The following CBLB variants were observed in gnomAD, a reference collection of about 807,000 sequenced individuals.
CBLB encodes the protein E3 ubiquitin-protein ligase CBL-B.
In CBLB, 31 loss-of-function variants were observed where a neutral mutation model predicts 104.9. The observed-to-expected ratio is 0.30, with a 90% CI of 0.22 to 0.40. The LOEUF is 0.40. Among genes scored for constraint, CBLB ranks in the 10% least tolerant of loss-of-function variants. The pLI is 1.00. For synonymous variants in CBLB, 440 were observed against 422.6 expected (o/e 1.04, Z -0.51); for missense variants, 1,062 against 1,214.6 (o/e 0.87, Z 1.87).
rs780321590 is a variant in CBLB, at chr3:105,702,346, A to G, written c.1707T>C (p.Asn569=). 8.1e-6 allele frequency: 13 copies of G among 1,613,840 alleles called. No homozygotes were observed. The highest frequency in any genetic ancestry group is 1.1e-5 in the Non-Finnish European group (13 of 1,179,942). Reference sequence around the variant, plus strand: ...CATGATGGATGTGTCTACTCAGTCTATTGTCTGGTGGGATTGGTGGAGGTC... The same window carrying G: ...CATGATGGATGTGTCTACTCAGTCTGTTGTCTGGTGGGATTGGTGGAGGTC... ...PERPPPIPPD[N]RLSRHIHHVE... The change falls in exon 12 of 19, where the codon AAT becomes AAC. Residue 569 remains asparagine, a synonymous_variant. Transcript: ENST00000394030.
At chr3:105,669,763 T>C (rs1055085093) in intron 18 of CBLB, among the ~76,000 whole-genome samples, 3 of 152,272 alleles carry the variant, frequency 2.0e-5, no homozygotes, top group East Asian at 1.9e-4. Flanking sequence ...TTATTAACGG[T>C]TGTGAGTATG....
chr3:105,685,621 C>A (rs1248352336), intron 13 of CBLB, among the ~76,000 whole-genome samples, 155 bp from the exon 14 acceptor site: 1 of 152,088 alleles, frequency 6.6e-6, no homozygotes, highest in Non-Finnish European at 1.5e-5. Context: ...ATATCAAATA[C>A]AAATGAAAAC....
chr3:105,851,596 G>A (rs993921046), intron 3 of CBLB, among the ~76,000 whole-genome samples: 1 of 152,150 alleles, frequency 6.6e-6, no homozygotes, highest in African/African-American at 2.4e-5. Flanking sequence ...TGCAAGATGT[G>A]AACAGGAGAA....
intron 3 of CBLB, among the ~76,000 whole-genome samples, chr3:105,841,922 T>C (rs1156328313): frequency 2.6e-5 from 4 of 152,178 alleles, no homozygotes; most frequent in Non-Finnish European, 5.9e-5. Context: ...TTTTCATGTC[T>C]TGCAACCAGA....
intron 3 of CBLB, among the ~76,000 whole-genome samples, chr3:105,778,042 C>T (rs2079690867): frequency 6.6e-6 from 1 of 152,032 alleles, no homozygotes; most frequent in Non-Finnish European, 1.5e-5. Context: ...GTACATTCTG[C>T]ATATGTTTTC....
intron 18 of CBLB, among the ~76,000 whole-genome samples, chr3:105,662,204 T>C (rs909506501): frequency 1.3e-5 from 2 of 152,186 alleles, no homozygotes; most frequent in African/African-American, 4.8e-5. Context: ...GCCTTCACTT[T>C]CTCCACTTTT....
chr3:105,838,063 C>A (rs1423689162), intron 3 of CBLB, among the ~76,000 whole-genome samples: 2 of 143,914 alleles, frequency 1.4e-5, no homozygotes, highest in African/African-American at 5.1e-5. Flanking sequence ...TAGCCTATTA[C>A]CTTTTTTTTT....
chr3:105,698,233 G>A (rs1379812210), intron 12 of CBLB, among the ~76,000 whole-genome samples: 1 of 152,046 alleles, frequency 6.6e-6, no homozygotes, highest in Non-Finnish European at 1.5e-5. Flanking sequence ...CTTTAACTAT[G>A]AGCTAGAATA....
rs929734372 is a variant in CBLB, at chr3:105,851,991, T to C, written c.419+1423A>G. On this transcript the variant is annotated intron_variant, in intron 3 of 18. Transcript: ENST00000394030. Reference sequence around the variant, plus strand: ...CTGTGCCACCAGTCACATAAAAGCATAGCACATACAATTATGCATAACACA... The same window carrying C: ...CTGTGCCACCAGTCACATAAAAGCACAGCACATACAATTATGCATAACACA... Among the ~76,000 whole-genome samples, 4 of 152,334 alleles carry C rather than the reference T, an allele frequency of 2.6e-5. 1 individual carries two copies. The highest frequency in any genetic ancestry group is 1.3e-4 in the Admixed American group (2 of 15,300).
chr3:105,670,468 T>A (rs2064953751), intron 17 of CBLB, 116 bp from the exon 18 acceptor site: 1 of 865,596 alleles, frequency 1.2e-6, no homozygotes, highest in Non-Finnish European at 1.8e-6. Context: ...ATTAGAAAAT[T>A]AAATTCATGA....
At chr3:105,758,026 C>T (rs1553770053) in intron 4 of CBLB, among the ~76,000 whole-genome samples, 1 of 152,124 alleles carries the variant, frequency 6.6e-6, no homozygotes, top group Non-Finnish European at 1.5e-5. Flanking sequence ...ACATTATGGA[C>T]ACAAAATATT....
rs73857223 is a variant in CBLB at position 105,835,151 on chromosome 3, C to G, written c.419+18263G>C. Reference sequence around the variant, plus strand: ...GAGGATTCTTTTCATTGGTGAAAAGCGGCATGTAATGTTACAAAGAATAAC... The same window carrying G: ...GAGGATTCTTTTCATTGGTGAAAAGGGGCATGTAATGTTACAAAGAATAAC... On this transcript the variant is annotated intron_variant, in intron 3 of 18. Coordinates refer to ENST00000394030, the MANE Select transcript of CBLB (RefSeq NM_170662.5). Among the ~76,000 whole-genome samples, 983 of 152,186 alleles carry G rather than the reference C, an allele frequency of 6.5e-3. 12 individuals carry two copies. The highest frequency in any genetic ancestry group is 0.023 in the African/African-American group (942 of 41,524).
chr3:105,817,088 G>A (rs577769213), intron 3 of CBLB, among the ~76,000 whole-genome samples: 1 of 152,236 alleles, frequency 6.6e-6, no homozygotes, highest in East Asian at 1.9e-4. Context: ...ATGAAAATGA[G>A]AAGAAGACAA....
intron 3 of CBLB, among the ~76,000 whole-genome samples, chr3:105,798,164 C>A (rs1184065218): frequency 6.6e-6 from 1 of 152,220 alleles, no homozygotes; most frequent in East Asian, 1.9e-4. Flanking sequence ...AACAATTCTT[C>A]TTTAAAATTA....
intron 9 of CBLB, among the ~76,000 whole-genome samples, 185 bp from the exon 10 acceptor site, chr3:105,720,435 A>C (rs1260104839): frequency 6.6e-6 from 1 of 152,160 alleles, no homozygotes; most frequent in East Asian, 1.9e-4. Flanking sequence ...TGTATAATAA[A>C]TGGTCAGTAT....
At chr3:105,798,822 T>A (rs554907483) in intron 3 of CBLB, among the ~76,000 whole-genome samples, 1 of 152,306 alleles carries the variant, frequency 6.6e-6, no homozygotes, top group East Asian at 1.9e-4. Flanking sequence ...AGCTGCAGCC[T>A]AGATGTCAAA....
chr3:105,708,265 C>G (rs1056921702), intron 10 of CBLB, among the ~76,000 whole-genome samples: 2 of 152,058 alleles, frequency 1.3e-5, no homozygotes, highest in Non-Finnish European at 2.9e-5. Flanking sequence ...TAGAGCCAAT[C>G]CCCTGGCTCA....
intron 5 of CBLB, among the ~76,000 whole-genome samples, chr3:105,748,822 C>A (rs1441868147): frequency 6.6e-6 from 1 of 152,026 alleles, no homozygotes; most frequent in Non-Finnish European, 1.5e-5. Flanking sequence ...ATCTCCTGCC[C>A]CCCCACTGGC....
intron 3 of CBLB, among the ~76,000 whole-genome samples, chr3:105,795,339 T>A (rs1368867901): frequency 6.6e-6 from 1 of 152,214 alleles, no homozygotes; most frequent in Non-Finnish European, 1.5e-5. Flanking sequence ...ACCATCATAA[T>A]GTTGATCGAA....
Sources: allele counts gnomAD v4.1 joint callset (sites outside exome capture counted in the v4.1 genomes callset), GRCh38; gene constraint gnomAD v4.1.1; transcripts MANE v1.5; gene names NCBI Gene and HGNC (gene_info 2026-07-23, HGNC 2026-07-21).